The following SOAT2 variants were observed in gnomAD, a reference collection of about 807,000 sequenced individuals.
SOAT2 encodes the protein ACAT-2.
Under a neutral mutation model 76.0 loss-of-function variants are expected in SOAT2, and 87 were observed. The observed-to-expected ratio is 1.14, with a 90% CI of 0.96 to 1.37. The LOEUF is 1.37. Among genes scored for constraint, SOAT2 ranks in the 40% most tolerant of loss-of-function variants. The probability of loss-of-function intolerance (pLI) is 0.00; values close to 1 mark genes in which losing one functional copy is unlikely to be tolerated. For synonymous variants in SOAT2, 285 were observed against 275.4 expected, an observed-to-expected ratio of 1.03 and a Z score of -0.34; for missense variants, 686 against 682.1, an observed-to-expected ratio of 1.01 and a Z score of -0.06.
rs1333910286 is a variant in SOAT2 at position 53,105,098 on chromosome 12, G to A, written c.139-9G>A. 1.9e-6 allele frequency: 3 copies of A among 1,553,438 alleles called. No homozygotes were observed. The highest frequency in any genetic ancestry group is 2.6e-6 in the Non-Finnish European group (3 of 1,148,012). ...GGACAGTGGGCTCTACCCTGGCTTT[G>A]TCCCGTAGGCTGTGAAGGCACAATT... On this transcript the variant is annotated splice_polypyrimidine_tract_variant and intron_variant, in intron 2 of 14. Transcript: ENST00000301466.
chr12:53,121,281 ACT>A lies in SOAT2; in HGVS notation c.1138-19_1138-18del, dbSNP rs1938184629. ...GATGCTTGCTTACCTCCTTTCCCCC[ACT>A]CTGACCCCACCTTCTCCAGGACTGG... On this transcript the variant is annotated intron_variant, in intron 11 of 14. Coordinates refer to ENST00000301466, the MANE Select transcript of SOAT2 (RefSeq NM_003578.4). 6.3e-7 allele frequency: 1 copy of A among 1,589,106 alleles called. No individual in the cohort carries two copies. The highest frequency in any genetic ancestry group is 2.2e-5 in the East Asian group (1 of 44,728).
At chr12:53,103,695 A>G (rs1301257199) in intron 1 of SOAT2, 36 bp downstream of exon 1, 4 of 1,448,218 alleles carry the variant, frequency 2.8e-6, no homozygotes, top group Non-Finnish European at 3.7e-6. Flanking sequence ...GGCACAGGCA[A>G]GTGGGGGGGA....
intron 7 of SOAT2, among the ~76,000 whole-genome samples, chr12:53,116,406 C>T (rs1039477187): frequency 4.6e-5 from 7 of 152,244 alleles, no homozygotes; most frequent in Non-Finnish European, 8.8e-5. Context: ...TTCCTATTTC[C>T]AGGCCCAGCC....
In SOAT2 at chr12:53,124,365, A is replaced by G; in HGVS notation, c.*242A>G. ...ATCCCTATCCCCATGGGCTGGGTACAGGATATCCTCCTACCCCATGACTGT... is the reference window on the plus strand; with the variant it reads ...ATCCCTATCCCCATGGGCTGGGTACGGGATATCCTCCTACCCCATGACTGT... On this transcript the variant is annotated 3_prime_UTR_variant, in exon 15 of 15. Transcript: ENST00000301466. 1.7e-6 allele frequency: 1 copy of G among 584,908 alleles called. No homozygotes were observed. The highest frequency in any genetic ancestry group is 2.0e-5 in the South Asian group (1 of 48,828). The allele number at this position is 584,908 out of a possible 1,614,324, so 36.2% of individuals were successfully genotyped here. A position where few individuals can be genotyped will look rare whatever the true frequency, so the allele number is the denominator to read the frequency against.
chr12:53,121,095 T>C (rs1389348445), intron 11 of SOAT2, among the ~76,000 whole-genome samples: 4 of 152,166 alleles, frequency 2.6e-5, no homozygotes, highest in Admixed American at 6.5e-5. Flanking sequence ...TACTACAGAA[T>C]CTTCTCCTGA....
intron 2 of SOAT2, 55 bp downstream of exon 2, chr12:53,104,261 C>A: frequency 7.9e-7 from 1 of 1,271,132 alleles, no homozygotes; most frequent in Non-Finnish European, 1.1e-6. Context: ...TAGCAGGAAG[C>A]AGGAGTGAGG....
intron 13 of SOAT2, 82 bp downstream of exon 13, chr12:53,123,298 T>C (rs1938223069): frequency 4.5e-6 from 7 of 1,562,598 alleles, no homozygotes; most frequent in Non-Finnish European, 6.1e-6. Flanking sequence ...AGACTGATGG[T>C]GGGAGGCCTC....
intron 3 of SOAT2, 105 bp from the exon 4 acceptor site, chr12:53,105,456 A>G (rs1592274697): frequency 7.8e-7 from 1 of 1,288,646 alleles, no homozygotes; most frequent in Non-Finnish European, 1.1e-6. Context: ...CCTAGCCCTG[A>G]CCTTTCCCTA....
chr12:53,115,421 A>G lies in SOAT2; in HGVS notation c.475A>G (p.Ser159Gly), dbSNP rs1938086072. 2 of 1,610,188 alleles carry G rather than the reference A, an allele frequency of 1.2e-6. No individual in the cohort carries two copies. The highest frequency in any genetic ancestry group is 1.3e-5 in the African/African-American group (1 of 74,886). The change falls in exon 6 of 15, where the codon AGC becomes GGC. Residue 159 changes from serine (S) to glycine (G), a missense_variant. Transcript: ENST00000301466. The part of the protein sequence containing the change: ...LLLEFDLLIF[S>G]FGQLPLALVT... ...GCTGGAGTTTGACCTACTGATCTTC[A>G]GCTTCGGACAGCTGCCATTGGCGCT...
chr12:53,115,390 G>A lies in SOAT2; in HGVS notation c.444G>A (p.Arg148=), dbSNP rs573851889. ...TLAIDFIDEG[R]LLLEFDLLIF... is the part of the protein sequence containing the mutation. The stretch of plus-strand genomic sequence containing the variant: ...TTTGTCTCTCCTTCCCCACTCCAAG[G>A]CTGCTGCTGGAGTTTGACCTACTGA... Residue 148 remains arginine, a splice_region_variant and synonymous_variant, in exon 6 of 15, where the codon AGG becomes AGA. Coordinates refer to ENST00000301466, the MANE Select transcript of SOAT2 (RefSeq NM_003578.4). The A allele has an allele frequency of 2.5e-6, 4 of 1,598,760 alleles. No homozygotes were observed. The South Asian group carries it at 3.3e-5, about 13-fold the overall frequency.
chr12:53,104,999 T>TA lies in SOAT2; in HGVS notation c.139-101dup, dbSNP rs3215347. 785 of 1,200,636 alleles carry TA rather than the reference T, an allele frequency of 6.5e-4. 4 individuals carry two copies. In the East Asian group the frequency reaches 0.013, roughly 20 times the overall value. The allele number at this position is 1,200,636 out of a possible 1,614,324, so 74.4% of individuals were successfully genotyped here. On this transcript the variant is annotated intron_variant, in intron 2 of 14. Coordinates refer to ENST00000301466, the MANE Select transcript of SOAT2 (RefSeq NM_003578.4). ...TGACCCCCCAGGTTGTTTTTTTTTT[T>TA]AAAAAAAGCACTGTGCCTGGCATAG...
intron 5 of SOAT2, among the ~76,000 whole-genome samples, chr12:53,113,886 C>T (rs1938060258): frequency 6.6e-6 from 1 of 152,144 alleles, no homozygotes; most frequent in African/African-American, 2.4e-5. Flanking sequence ...CTCTTATCTC[C>T]TGCTAAATCA....
At chr12:53,121,449 T>G in intron 12 of SOAT2, 48 bp downstream of exon 12, 1 of 1,448,238 alleles carries the variant, frequency 6.9e-7, no homozygotes, top group Non-Finnish European at 9.7e-7. Flanking sequence ...ATAGGGGCTC[T>G]CCTTCCTTCC....
chr12:53,107,622 C>CTTTTTTTTTTTGTTTTTT (rs1937954596), intron 5 of SOAT2, among the ~76,000 whole-genome samples: 1 of 117,036 alleles, frequency 8.5e-6, no homozygotes, highest in Non-Finnish European at 1.7e-5. Context: ...AACAGATGTA[C>CTTTTTTTTTTTGTTTTTT]TTTTTTTTTT....
Position 53,105,243 on chromosome 12 carries a change from G to A in SOAT2, c.275G>A (p.Arg92Lys). The change falls in exon 3 of 15, where the codon AGG becomes AAG. Residue 92 changes from arginine to lysine, a missense_variant and splice_region_variant. Transcript: ENST00000301466. ...CCACCTCCCCCAGGTTCCTTGAGCA[G>A]GTGAGTCTGGGGAATGGCTGCGCGG... ...LPPPPPGSLSRTQEPSLGKQK... is the reference protein window; with the variant it reads ...LPPPPPGSLSKTQEPSLGKQK... 1 of 1,602,714 alleles carries A rather than the reference G, an allele frequency of 6.2e-7. No homozygotes were observed. Among genetic ancestry groups the A allele is most frequent in the Non-Finnish European group, 8.5e-7 (1 of 1,175,014 alleles).
In SOAT2 at chr12:53,121,404, A is replaced by T; in HGVS notation, c.1236+3A>T. 1 of 1,609,344 alleles carries T rather than the reference A, an allele frequency of 6.2e-7. No individual in the cohort carries two copies. The highest frequency in any genetic ancestry group is 8.5e-7 in the Non-Finnish European group (1 of 1,175,800). ...ACGTGTATCAGGATGGGCTGCGGGT[A>T]TGGGCCCTGCAGACCCCTTCAGCTC... is the stretch of plus-strand genomic sequence containing the variant. On this transcript the variant is annotated splice_donor_region_variant and intron_variant, in intron 12 of 14. Transcript: ENST00000301466.
At position 53,103,672 on chromosome 12, in the gene SOAT2, C is replaced by CG. The variant is rs1380493571; in HGVS notation, c.82+18dup. The stretch of plus-strand genomic sequence containing the variant: ...CCCTGTGGAGATGGTGAGCCGCCCT[C>CG]GGGGGTGCAGAAGGCACAGGCAAGT... On this transcript the variant is annotated intron_variant, in intron 1 of 14. Coordinates refer to ENST00000301466, the MANE Select transcript of SOAT2 (RefSeq NM_003578.4). The CG allele has an allele frequency of 6.6e-7, 1 of 1,515,568 alleles. No homozygotes were observed. Among genetic ancestry groups the CG allele is most frequent in the Non-Finnish European group, 8.8e-7 (1 of 1,133,666 alleles). The allele number at this position is 1,515,568 out of a possible 1,614,324, so 93.9% of individuals were successfully genotyped here.
rs766221005 is a variant in SOAT2, at chr12:53,103,572, C to T, written c.-6C>T. ...GGGCTGCCTGCTGCCCGCTGGAGAC[C>T]GCACCATGGAGCCAGGCGGGGCCCG... On this transcript the variant is annotated 5_prime_UTR_variant, in exon 1 of 15. Transcript: ENST00000301466. 47 of 1,545,540 alleles carry T rather than the reference C, an allele frequency of 3.0e-5. No individual in the cohort carries two copies. The highest frequency in any genetic ancestry group is 8.3e-5 in the South Asian group (7 of 84,034).
At chr12:53,103,951 C>A (rs1204327932) in intron 1 of SOAT2, among the ~76,000 whole-genome samples, 200 bp from the exon 2 acceptor site, 1 of 152,194 alleles carries the variant, frequency 6.6e-6, no homozygotes. Flanking sequence ...TGTCACCAGG[C>A]CCCCTGCTTG....
Sources: allele counts gnomAD v4.1 joint callset (sites outside exome capture counted in the v4.1 genomes callset), GRCh38; gene constraint gnomAD v4.1.1; transcripts MANE v1.5; gene names NCBI Gene and HGNC (gene_info 2026-07-23, HGNC 2026-07-21).